Variants in ERGIC1 observed in about 807,000 individuals in gnomAD.
ERGIC1 encodes endoplasmic reticulum-golgi intermediate compartment 1.
ERGIC1 carries 19 observed loss-of-function variants against 38.3 expected under a neutral mutation model. The observed-to-expected ratio is 0.50, with a 90% CI of 0.35 to 0.73. The LOEUF (loss-of-function observed/expected upper bound fraction) is 0.73. Among genes scored for constraint, ERGIC1 ranks in the 30% least tolerant of loss-of-function variants. The pLI is 0.01. For missense variants in ERGIC1, 294 were observed against 389.2 expected (o/e 0.76, Z 2.06); for synonymous variants, 124 against 157.6 (o/e 0.79, Z 1.60).
chr5:172,925,295 T>C (rs781163664), intron 6 of ERGIC1, among the ~76,000 whole-genome samples: 1 of 152,134 alleles, frequency 6.6e-6, no homozygotes, highest in Non-Finnish European at 1.5e-5. Context: ...GATAAAGCCA[T>C]GTCACATGAC....
intron 5 of ERGIC1, among the ~76,000 whole-genome samples, chr5:172,920,848 G>C (rs1763493929): frequency 6.6e-6 from 1 of 152,260 alleles, no homozygotes; most frequent in African/African-American, 2.4e-5. Context: ...CCTTATGGCT[G>C]TGGGTTTCTT....
intron 1 of ERGIC1, among the ~76,000 whole-genome samples, chr5:172,841,113 A>G (rs1761148773): frequency 6.6e-6 from 1 of 152,240 alleles, no homozygotes. Flanking sequence ...AGGAAGTGGC[A>G]ATTAGCCTAA....
In ERGIC1 at chr5:172,914,518, C is replaced by G. The variant is rs534840848; in HGVS notation, c.251-196C>G. 82 of 842,098 alleles carry G rather than the reference C, an allele frequency of 9.7e-5. 1 individual carries two copies. In the African/African-American group the frequency reaches 1.3e-3, roughly 13 times the overall value. The allele number at this position is 842,098 out of a possible 1,614,324, so 52.2% of individuals were successfully genotyped here. A position where few individuals can be genotyped will look rare whatever the true frequency, so the allele number is the denominator to read the frequency against. ...GCCCCGGGACCCCTACTATGCACTG[C>G]CCCCCTCGCCTCACGTTTAGCGGAG... On this transcript the variant is annotated intron_variant, in intron 4 of 9. Coordinates refer to ENST00000393784, the MANE Select transcript of ERGIC1 (RefSeq NM_001031711.3).
intron 8 of ERGIC1, chr5:172,933,864 T>C (rs918160401): frequency 6.6e-6 from 1 of 151,628 alleles, no homozygotes; most frequent in African/African-American, 2.4e-5. Flanking sequence ...TGATACTTTA[T>C]AAGAGTGCTG....
chr5:172,892,122 GAC>G (rs1229994965), intron 2 of ERGIC1, among the ~76,000 whole-genome samples: 1 of 146,534 alleles, frequency 6.8e-6, no homozygotes, highest in Non-Finnish European at 1.5e-5. Flanking sequence ...GCCCTCCAGG[GAC>G]ATGGTCTGAT....
chr5:172,882,188 C>T (rs1029558637), intron 1 of ERGIC1, among the ~76,000 whole-genome samples: 5 of 152,162 alleles, frequency 3.3e-5, no homozygotes, highest in African/African-American at 1.2e-4. Flanking sequence ...TATTACAGTA[C>T]GTAGTGTTGA....
chr5:172,903,351 T>G lies in ERGIC1; in HGVS notation c.155+6277T>G, dbSNP rs114976489. Among the ~76,000 whole-genome samples, 893 of 152,206 alleles carry G rather than the reference T, an allele frequency of 5.9e-3. 8 individuals carry two copies. The highest frequency in any genetic ancestry group is 0.021 in the African/African-American group (857 of 41,528). ...TGGGAGGGGACACACCTGAAGATTA[T>G]GAAAAAGGACTAGGATGCCTGCATC... On this transcript the variant is annotated intron_variant, in intron 3 of 9. Coordinates refer to ENST00000393784, the MANE Select transcript of ERGIC1 (RefSeq NM_001031711.3).
chr5:172,878,920 G>A (rs1193418109), intron 1 of ERGIC1, among the ~76,000 whole-genome samples: 1 of 152,178 alleles, frequency 6.6e-6, no homozygotes, highest in Non-Finnish European at 1.5e-5. Flanking sequence ...CTGGCACTCG[G>A]CACCGAGGGC....
At chr5:172,870,177 C>G (rs548075499) in intron 1 of ERGIC1, among the ~76,000 whole-genome samples, 81 of 152,372 alleles carry the variant, frequency 5.3e-4, no homozygotes, top group African/African-American at 1.8e-3. Context: ...ATCTGACCCA[C>G]AGAAGTGTTT....
At chr5:172,949,836 C>T (rs1764195310) in intron 9 of ERGIC1, among the ~76,000 whole-genome samples, 1 of 152,128 alleles carries the variant, frequency 6.6e-6, no homozygotes, top group Admixed American at 6.5e-5. Flanking sequence ...GAGGCCGAGG[C>T]GGGTGGAGCA....
intron 9 of ERGIC1, among the ~76,000 whole-genome samples, chr5:172,944,570 GCTGGTCT>G (rs1164198269): frequency 1.3e-5 from 2 of 152,214 alleles, no homozygotes; most frequent in Non-Finnish European, 2.9e-5. Flanking sequence ...TGTTGGCCAG[GCTGGTCT>G]CGAACTCCCC....
Position 172,846,286 on chromosome 5 carries a change from T to G in ERGIC1, c.20+11853T>G, listed in dbSNP as rs1761280206. ...CCAGCATCTAGAATCCCTTGTGTGATGCTACGTGACTTAACAGCGCCTCTT... is the reference window on the plus strand; with the variant it reads ...CCAGCATCTAGAATCCCTTGTGTGAGGCTACGTGACTTAACAGCGCCTCTT... On this transcript the variant is annotated intron_variant, in intron 1 of 9. Coordinates refer to ENST00000393784, the MANE Select transcript of ERGIC1 (RefSeq NM_001031711.3). The surrounding 1 kb of genome is among the most constrained non-coding windows in gnomAD (Gnocchi z 4.0). Among the ~76,000 whole-genome samples, 1 of 152,196 alleles carries G rather than the reference T, an allele frequency of 6.6e-6. No individual in the cohort carries two copies. The highest frequency in any genetic ancestry group is 1.5e-5 in the Non-Finnish European group (1 of 68,030).
intron 4 of ERGIC1, 169 bp from the exon 5 acceptor site, chr5:172,914,545 C>T (rs764554622): frequency 1.6e-5 from 18 of 1,108,170 alleles, no homozygotes; most frequent in Non-Finnish European, 2.4e-5. Context: ...TTAGCGGAGT[C>T]ATTGTCCTGT....
intron 1 of ERGIC1, among the ~76,000 whole-genome samples, chr5:172,873,078 C>T (rs1396158289): frequency 6.6e-6 from 1 of 152,246 alleles, no homozygotes; most frequent in African/African-American, 2.4e-5. Context: ...AATCCAGTCC[C>T]CGGAATAGCT....
At chr5:172,838,040 G>A (rs1294033830) in intron 1 of ERGIC1, among the ~76,000 whole-genome samples, 2 of 152,212 alleles carry the variant, frequency 1.3e-5, no homozygotes, top group East Asian at 1.9e-4. Flanking sequence ...CCAAGGCCTC[G>A]GGGGTGCCGC....
intron 3 of ERGIC1, among the ~76,000 whole-genome samples, chr5:172,899,599 G>A (rs1040716311): frequency 6.6e-5 from 10 of 152,172 alleles, no homozygotes; most frequent in African/African-American, 2.2e-4. Flanking sequence ...GATTACAGGC[G>A]TGAGCCACTG....
Position 172,851,200 on chromosome 5 carries a change from C to CA in ERGIC1, c.20+16787dup, listed in dbSNP as rs34437961. 7.2e-3 allele frequency among the ~76,000 whole-genome samples: 694 copies of CA among 96,562 alleles called. 1 individual carries two copies. The highest frequency in any genetic ancestry group is 0.015 in the African/African-American group (407 of 26,714). 63.3% of individuals were successfully genotyped at this position (96,562 alleles called of 152,430 possible). On this transcript the variant is annotated intron_variant, in intron 1 of 9. Coordinates refer to ENST00000393784, the MANE Select transcript of ERGIC1 (RefSeq NM_001031711.3). ...TGGGCAACAGAGCAAGACTCTGTCT[C>CA]AAAAAAAAAAAAAAAAAAAATTAAA...
intron 4 of ERGIC1, among the ~76,000 whole-genome samples, chr5:172,913,093 A>G (rs1763249321): frequency 6.6e-6 from 1 of 152,210 alleles, no homozygotes. Context: ...TAACCCTCAC[A>G]ACAAGCCTGT....
chr5:172,918,369 G>T (rs974323278), intron 5 of ERGIC1: 1 of 152,170 alleles, frequency 6.6e-6, no homozygotes, highest in Non-Finnish European at 1.5e-5. Flanking sequence ...AGGATCATCC[G>T]TGGCACCAAA....
Sources: allele counts gnomAD v4.1 joint callset (sites outside exome capture counted in the v4.1 genomes callset), GRCh38; gene constraint gnomAD v4.1.1; non-coding constraint Gnocchi (gnomAD v3.1); transcripts MANE v1.5; gene names NCBI Gene and HGNC (gene_info 2026-07-23, HGNC 2026-07-21).